PCP4L1: variants seen among roughly 807,000 people sequenced by gnomAD.
The protein encoded by PCP4L1 is Purkinje cell protein 4 like 1, also known as Purkinje cell protein 4-like protein 1.
Under a neutral mutation model 9.6 loss-of-function variants are expected in PCP4L1, and 9 were observed. The observed-to-expected ratio is 0.94, with a 90% CI of 0.57 to 1.64. The LOEUF (loss-of-function observed/expected upper bound fraction) is 1.64, where lower values mean the gene tolerates loss of function less well. PCP4L1 is among the 40% of genes most tolerant of loss of function. The pLI is 0.00. For missense variants in PCP4L1, 81 were observed against 80.8 expected (o/e 1.00, Z -0.01); for synonymous variants, 31 against 28.2 (o/e 1.10, Z -0.31).
At chr1:161,272,582 G>A (rs994059492) in intron 1 of PCP4L1, among the ~76,000 whole-genome samples, 2 of 151,198 alleles carry the variant, frequency 1.3e-5, no homozygotes, top group African/African-American at 4.9e-5. Flanking sequence ...AAAAAAATTG[G>A]TATTCCTCAA....
intron 1 of PCP4L1, among the ~76,000 whole-genome samples, chr1:161,263,493 C>T (rs1211231591): frequency 2.0e-5 from 3 of 152,110 alleles, no homozygotes; most frequent in Non-Finnish European, 4.4e-5. Flanking sequence ...CCCACCTCGG[C>T]TCCCAAAGTG....
At chr1:161,279,291 CA>C (rs2102240368) in intron 1 of PCP4L1, among the ~76,000 whole-genome samples, 1 of 152,322 alleles carries the variant, frequency 6.6e-6, no homozygotes, top group Admixed American at 6.5e-5. Context: ...TGGCATTTGT[CA>C]CTAACTGATG....
chr1:161,276,924 C>G (rs1420370296), intron 1 of PCP4L1, among the ~76,000 whole-genome samples: 1 of 152,016 alleles, frequency 6.6e-6, no homozygotes, highest in African/African-American at 2.4e-5. Context: ...TTCTTTCCCC[C>G]TAATGTTTTA....
At chr1:161,268,330 C>T (rs952294195) in intron 1 of PCP4L1, among the ~76,000 whole-genome samples, 1 of 152,074 alleles carries the variant, frequency 6.6e-6, no homozygotes, top group Non-Finnish European at 1.5e-5. Flanking sequence ...TTCGAGCAAT[C>T]CCAGGTATTC....
chr1:161,275,375 G>A (rs909235254), intron 1 of PCP4L1, among the ~76,000 whole-genome samples: 2 of 151,994 alleles, frequency 1.3e-5, no homozygotes, highest in Non-Finnish European at 2.9e-5. Context: ...AATCAGCCAG[G>A]TGTGGTGGCG....
intron 1 of PCP4L1, among the ~76,000 whole-genome samples, chr1:161,267,927 G>A (rs992107236): frequency 2.3e-4 from 35 of 152,232 alleles, no homozygotes; most frequent in Middle Eastern, 3.4e-3. Flanking sequence ...TGGCCAGGCT[G>A]GTCTCAAACT....
intron 1 of PCP4L1, among the ~76,000 whole-genome samples, chr1:161,281,373 G>C (rs1471964899): frequency 6.6e-6 from 1 of 152,166 alleles, no homozygotes; most frequent in Admixed American, 6.5e-5. Flanking sequence ...TCCCAGATGG[G>C]GTGGTGGCCG....
chr1:161,281,567 C>T lies in PCP4L1; in HGVS notation c.10-2101C>T, dbSNP rs576274124. 4.0e-3 allele frequency among the ~76,000 whole-genome samples: 609 copies of T among 151,532 alleles called. 4 individuals carry two copies. The highest frequency in any genetic ancestry group is 0.014 in the African/African-American group (587 of 41,382). ...GCAGCTGGCCGGGCGGGGGCTGATC[C>T]CCACCTCCCTCCCGGACGGGGCAGC... On this transcript the variant is annotated intron_variant, in intron 1 of 2. Transcript: ENST00000504449.
At chr1:161,270,319 T>A (rs1054329376) in intron 1 of PCP4L1, among the ~76,000 whole-genome samples, 1 of 151,846 alleles carries the variant, frequency 6.6e-6, no homozygotes, top group Non-Finnish European at 1.5e-5. Context: ...ATAATAAAAT[T>A]AAAAAGAATT....
chr1:161,261,422 G>A (rs1171925477), intron 1 of PCP4L1, among the ~76,000 whole-genome samples: 5 of 152,142 alleles, frequency 3.3e-5, no homozygotes, highest in African/African-American at 7.2e-5. Context: ...GTGTGTGTGC[G>A]TTCGTGCACG....
At chr1:161,261,295 G>T (rs1448258640) in intron 1 of PCP4L1, among the ~76,000 whole-genome samples, 1 of 152,224 alleles carries the variant, frequency 6.6e-6, no homozygotes, top group Non-Finnish European at 1.5e-5. Flanking sequence ...TCCAGACCTA[G>T]AACAACCAAC....
chr1:161,277,948 CATTCCTATATTGTAGA>C (rs1306874825), intron 1 of PCP4L1, among the ~76,000 whole-genome samples: 1 of 152,186 alleles, frequency 6.6e-6, no homozygotes, highest in African/African-American at 2.4e-5. Context: ...TCTATTCCTT[CATTCCTATATTGTAGA>C]TAAACTGTCT....
intron 1 of PCP4L1, among the ~76,000 whole-genome samples, chr1:161,279,620 C>G (rs934987555): frequency 2.6e-5 from 4 of 152,210 alleles, no homozygotes; most frequent in African/African-American, 9.7e-5. Context: ...AAATACTCCA[C>G]TAAGCTGTTC....
chr1:161,275,389 G>A (rs58249284), intron 1 of PCP4L1, among the ~76,000 whole-genome samples: 1,611 of 151,758 alleles, frequency 0.011, 38 homozygotes, highest in African/African-American at 0.035. Flanking sequence ...GGTGGCGGGC[G>A]CCTGTAGTCC....
intron 1 of PCP4L1, among the ~76,000 whole-genome samples, chr1:161,266,509 T>G (rs1456921535): frequency 1.3e-5 from 2 of 152,196 alleles, no homozygotes; most frequent in African/African-American, 4.8e-5. Context: ...GTTGACTCAC[T>G]GCATACCATG....
intron 1 of PCP4L1, among the ~76,000 whole-genome samples, chr1:161,282,510 T>A (rs533110250): frequency 1.3e-5 from 2 of 152,276 alleles, no homozygotes; most frequent in East Asian, 3.9e-4. Flanking sequence ...GAACTCAGTT[T>A]CTTGGTGATC....
At chr1:161,281,463 C>T (rs1023577353) in intron 1 of PCP4L1, among the ~76,000 whole-genome samples, 30 of 142,108 alleles carry the variant, frequency 2.1e-4, no homozygotes, top group South Asian at 4.5e-4. Context: ...GCTGGCCAGG[C>T]GGAGGCGCCC....
At chr1:161,283,914 G>A (rs971054913) in intron 2 of PCP4L1, among the ~76,000 whole-genome samples, 192 bp downstream of exon 2, 6 of 152,070 alleles carry the variant, frequency 3.9e-5, no homozygotes, top group African/African-American at 1.2e-4. Flanking sequence ...GAAAGTAAAC[G>A]ATCAGTATTT....
chr1:161,261,596 A>G (rs1205270832), intron 1 of PCP4L1, among the ~76,000 whole-genome samples: 1 of 152,228 alleles, frequency 6.6e-6, no homozygotes, highest in East Asian at 1.9e-4. Context: ...GCTCTTCCCT[A>G]TAATCCTTTT....
Sources: gnomAD v4.1 joint callset for allele counts (sites outside exome capture counted in the v4.1 genomes callset) on GRCh38, gnomAD v4.1.1 for gene constraint, MANE v1.5 for transcripts, NCBI Gene and HGNC (gene_info 2026-07-23, HGNC 2026-07-21) for gene names.